Variants in SNTG1 observed in about 807,000 individuals in gnomAD.
The protein encoded by SNTG1 is gamma-1-syntrophin.
In SNTG1, 39 loss-of-function variants were observed where a neutral mutation model predicts 74.7. The ratio of observed to expected loss-of-function variants is 0.52; its 90% CI spans 0.40 to 0.68. The LOEUF is 0.68. SNTG1 is among the 30% of genes least tolerant of loss of function. The pLI is 0.00. For synonymous variants in SNTG1, 254 were observed against 217.1 expected (o/e 1.17, Z -1.49); for missense variants, 685 against 609.5 (o/e 1.12, Z -1.30).
intron 18 of SNTG1, among the ~76,000 whole-genome samples, chr8:50,757,079 ATGGTATCAGCTCT>A (rs755515392): frequency 6.6e-6 from 1 of 151,620 alleles, no homozygotes; most frequent in Non-Finnish European, 1.5e-5. Flanking sequence ...ACCGTTAAGT[ATGGTATCAGCTCT>A]TGGTTTGGTA....
At chr8:50,585,151 A>G (rs927710629) in intron 12 of SNTG1, among the ~76,000 whole-genome samples, 11 of 152,190 alleles carry the variant, frequency 7.2e-5, no homozygotes, top group African/African-American at 2.2e-4. Flanking sequence ...TCAAGCAGAG[A>G]TGAATATAAT....
chr8:50,533,193 T>C (rs953131138), intron 10 of SNTG1, among the ~76,000 whole-genome samples: 2 of 152,218 alleles, frequency 1.3e-5, no homozygotes, highest in African/African-American at 4.8e-5. Context: ...TAGAAGAATT[T>C]GTTCTGTGCT....
chr8:50,132,075 C>A (rs560291445), intron 1 of SNTG1, among the ~76,000 whole-genome samples: 1 of 152,202 alleles, frequency 6.6e-6, no homozygotes. Context: ...GTTTTGATTA[C>A]TGCAGCTTTG....
chr8:50,639,347 C>T (rs1350543389), intron 13 of SNTG1, among the ~76,000 whole-genome samples: 4 of 151,796 alleles, frequency 2.6e-5, no homozygotes, highest in Non-Finnish European at 5.9e-5. Context: ...TAATTTGCAT[C>T]CCTTCATATG....
chr8:50,531,657 G>C (rs576014894), intron 10 of SNTG1, among the ~76,000 whole-genome samples: 5 of 152,248 alleles, frequency 3.3e-5, no homozygotes, highest in African/African-American at 1.2e-4. Flanking sequence ...CTGGGAGTCA[G>C]AGCTCACAGG....
At chr8:50,637,173 T>C (rs1201835329) in intron 13 of SNTG1, among the ~76,000 whole-genome samples, 7 of 152,166 alleles carry the variant, frequency 4.6e-5, no homozygotes, top group Non-Finnish European at 2.9e-5. Flanking sequence ...CTAACTGTAT[T>C]TGTCATTTTA....
At chr8:50,049,307 G>A (rs1028359144) in intron 1 of SNTG1, among the ~76,000 whole-genome samples, 5 of 152,044 alleles carry the variant, frequency 3.3e-5, no homozygotes, top group Non-Finnish European at 7.4e-5. Context: ...TAGACAACTT[G>A]TAAATATATA....
chr8:50,023,385 C>A (rs2130695330), intron 1 of SNTG1, among the ~76,000 whole-genome samples: 1 of 152,178 alleles, frequency 6.6e-6, no homozygotes, highest in African/African-American at 2.4e-5. Flanking sequence ...ATATTTTAAT[C>A]CTCATCAAGA....
chr8:50,251,661 C>A (rs548678007), intron 2 of SNTG1, among the ~76,000 whole-genome samples: 3 of 151,902 alleles, frequency 2.0e-5, no homozygotes, highest in Admixed American at 2.0e-4. Flanking sequence ...ATAACTAACT[C>A]AACAAGAATT....
At chr8:50,040,370 C>T (rs1280378486) in intron 1 of SNTG1, among the ~76,000 whole-genome samples, 2 of 152,030 alleles carry the variant, frequency 1.3e-5, no homozygotes, top group Non-Finnish European at 2.9e-5. Flanking sequence ...TTATAGCGTG[C>T]TTATTTTTTC....
intron 17 of SNTG1, among the ~76,000 whole-genome samples, chr8:50,746,862 TATA>T (rs1375180040): frequency 1.4e-5 from 2 of 147,670 alleles, no homozygotes; most frequent in African/African-American, 4.9e-5. Context: ...ATATTGTAAA[TATA>T]TATAATATAT....
chr8:50,446,925 T>G (rs1380788582), intron 5 of SNTG1, among the ~76,000 whole-genome samples: 1 of 152,190 alleles, frequency 6.6e-6, no homozygotes, highest in Non-Finnish European at 1.5e-5. Context: ...CATATGCAAA[T>G]TCATGATAAA....
intron 2 of SNTG1, among the ~76,000 whole-genome samples, chr8:50,178,606 A>G (rs2083088149): frequency 6.6e-6 from 1 of 152,154 alleles, no homozygotes; most frequent in South Asian, 2.1e-4. Flanking sequence ...TTTATCTGCA[A>G]AATCAAACCT....
At chr8:50,525,487 C>T (rs561726625) in intron 9 of SNTG1, among the ~76,000 whole-genome samples, 12 of 152,092 alleles carry the variant, frequency 7.9e-5, no homozygotes, top group East Asian at 3.9e-4. Context: ...CTTCTTTTTT[C>T]GGACTTCTAT....
chr8:50,694,296 A>G (rs1315478943), intron 15 of SNTG1, among the ~76,000 whole-genome samples: 1 of 152,120 alleles, frequency 6.6e-6, no homozygotes, highest in Non-Finnish European at 1.5e-5. Context: ...GATCATAAAC[A>G]AATTTATGAA....
chr8:50,555,017 G>C (rs1413146720), intron 12 of SNTG1, among the ~76,000 whole-genome samples: 1 of 152,054 alleles, frequency 6.6e-6, no homozygotes, highest in East Asian at 1.9e-4. Flanking sequence ...AGAATGCTGT[G>C]CTTCAGCTGA....
intron 2 of SNTG1, among the ~76,000 whole-genome samples, chr8:50,202,879 C>T (rs1392232364): frequency 1.3e-5 from 2 of 149,150 alleles, no homozygotes; most frequent in Non-Finnish European, 3.0e-5. Flanking sequence ...GCTCTGTGTT[C>T]TCTGTGTATT....
rs191796677 is a variant in SNTG1, at chr8:50,152,430, G to A, written c.-102-20131G>A. Reference sequence around the variant, plus strand: ...ACATTTAAGGTTAATATTGTTATGTGTGAATTTGATCCTGTCATTATATGT... The same window carrying A: ...ACATTTAAGGTTAATATTGTTATGTATGAATTTGATCCTGTCATTATATGT... On this transcript the variant is annotated intron_variant, in intron 1 of 18. Transcript: ENST00000642720. Among the ~76,000 whole-genome samples, 329 of 152,292 alleles carry A rather than the reference G, an allele frequency of 2.2e-3. 2 individuals carry two copies. Among genetic ancestry groups the A allele is most frequent in the South Asian group, 4.6e-3 (22 of 4,824 alleles).
In SNTG1 at chr8:50,243,815, T is replaced by A. The variant is rs367593132; in HGVS notation, c.-28+71180T>A. On this transcript the variant is annotated intron_variant, in intron 2 of 18. Coordinates refer to ENST00000642720, the MANE Select transcript of SNTG1 (RefSeq NM_018967.5). ...AAAAAACAAATACATGATTCAAGAA[T>A]GAACATATGATTGAGGATAGGAATA... Among the ~76,000 whole-genome samples, 18 of 152,272 alleles carry A rather than the reference T, an allele frequency of 1.2e-4. 1 individual carries two copies. The highest frequency in any genetic ancestry group is 4.3e-4 in the African/African-American group (18 of 41,550).
Sources: allele counts gnomAD v4.1 joint callset (sites outside exome capture counted in the v4.1 genomes callset), GRCh38; gene constraint gnomAD v4.1.1; transcripts MANE v1.5; gene names NCBI Gene and HGNC (gene_info 2026-07-23, HGNC 2026-07-21).